FAM163A: variants seen among roughly 807,000 people sequenced by gnomAD.
FAM163A encodes family with sequence similarity 163 member A, also known as protein FAM163A.
Under a neutral mutation model 12.0 loss-of-function variants are expected in FAM163A, and 7 were observed. The ratio of observed to expected loss-of-function variants is 0.58; its 90% CI spans 0.33 to 1.10. The LOEUF (loss-of-function observed/expected upper bound fraction) is 1.10. Ranked by LOEUF, FAM163A falls within the 50% of genes least tolerant of loss-of-function variation. FAM163A has a pLI of 0.03. For synonymous variants in FAM163A, 101 were observed against 91.0 expected (o/e 1.11, Z -0.62); for missense variants, 202 against 218.6 (o/e 0.92, Z 0.48).
chr1:179,794,128 T>C (rs571269906), intron 1 of FAM163A, among the ~76,000 whole-genome samples: 95 of 152,338 alleles, frequency 6.2e-4, no homozygotes, highest in African/African-American at 1.9e-3. Context: ...CTTGGCCACC[T>C]TGTGCCTCTG....
At chr1:179,773,569 A>G (rs920754496) in intron 1 of FAM163A, among the ~76,000 whole-genome samples, 2 of 152,232 alleles carry the variant, frequency 1.3e-5, no homozygotes, top group African/African-American at 4.8e-5. Context: ...AGAAGCAAAA[A>G]TAATGAAGGG....
intron 1 of FAM163A, among the ~76,000 whole-genome samples, chr1:179,790,779 A>ACT (rs34645659): frequency 0.36 from 54,415 of 151,926 alleles, 11,502 homozygotes; most frequent in Non-Finnish European, 0.48. Context: ...TCCAGCTCAG[A>ACT]CTGGACAGAC....
At chr1:179,780,566 C>T (rs573704802) in intron 1 of FAM163A, among the ~76,000 whole-genome samples, 24 of 152,316 alleles carry the variant, frequency 1.6e-4, no homozygotes, top group Non-Finnish European at 3.1e-4. Flanking sequence ...TCAGCATCAC[C>T]TGGGAACTTG....
chr1:179,777,994 T>C (rs1445706762), intron 1 of FAM163A, among the ~76,000 whole-genome samples: 1 of 152,232 alleles, frequency 6.6e-6, no homozygotes, highest in Non-Finnish European at 1.5e-5. Context: ...CAGATGCTCC[T>C]GGACTATGAT....
the FAM163A span, among the ~76,000 whole-genome samples, chr1:179,737,839 A>C: frequency 6.6e-6 from 1 of 152,178 alleles, no homozygotes; most frequent in African/African-American, 2.4e-5. Context: ...TGTCTCAAAA[A>C]AAAAAAAAAT....
At chr1:179,756,806 G>A (rs1686086916) in intron 1 of FAM163A, among the ~76,000 whole-genome samples, 1 of 152,172 alleles carries the variant, frequency 6.6e-6, no homozygotes. Context: ...GAGAAGTAGT[G>A]TCATGAATGG....
At chr1:179,782,263 G>A (rs978728936) in intron 1 of FAM163A, among the ~76,000 whole-genome samples, 1 of 152,064 alleles carries the variant, frequency 6.6e-6, no homozygotes, top group African/African-American at 2.4e-5. Context: ...TCTGGCAGGG[G>A]CAGCAGTGGG....
At chr1:179,787,590 G>A (rs147209492) in intron 1 of FAM163A, among the ~76,000 whole-genome samples, 5 of 152,298 alleles carry the variant, frequency 3.3e-5, no homozygotes, top group East Asian at 1.9e-4. Flanking sequence ...GGAGCCTTGC[G>A]TGAGGAGTAG....
intron 1 of FAM163A, among the ~76,000 whole-genome samples, chr1:179,768,347 A>G (rs1409457701): frequency 1.3e-5 from 2 of 152,204 alleles, no homozygotes; most frequent in African/African-American, 4.8e-5. Context: ...CACACAGCCA[A>G]TAAGTGTGGC....
In FAM163A at chr1:179,796,774, GA is replaced by G. The variant is rs557396438; in HGVS notation, c.-135-11022del. On this transcript the variant is annotated intron_variant, in intron 1 of 4. Coordinates refer to ENST00000341785, the MANE Select transcript of FAM163A (RefSeq NM_173509.3). The stretch of plus-strand genomic sequence containing the variant: ...GGACACCGTTTAGCAGAAAGCAGAA[GA>G]AGGGAAAGGCTGTAGACACTGTATC... Among the ~76,000 whole-genome samples, 359 of 152,354 alleles carry G rather than the reference GA, an allele frequency of 2.4e-3. 2 individuals are homozygous for G. The highest frequency in any genetic ancestry group is 8.3e-3 in the African/African-American group (346 of 41,580).
chr1:179,735,295 T>C, the FAM163A span, among the ~76,000 whole-genome samples: 1 of 152,108 alleles, frequency 6.6e-6, no homozygotes, highest in African/African-American at 2.4e-5. Flanking sequence ...ATCAAAGAGC[T>C]AATACGTTAA....
chr1:179,763,137 A>G (rs1454047246), intron 1 of FAM163A, among the ~76,000 whole-genome samples: 1 of 152,222 alleles, frequency 6.6e-6, no homozygotes, highest in Non-Finnish European at 1.5e-5. Flanking sequence ...ATGACCAGGC[A>G]AATTATCAGA....
chr1:179,757,911 T>C lies in FAM163A; in HGVS notation c.-136+14488T>C, dbSNP rs1449278128. Among the ~76,000 whole-genome samples, 3 of 152,204 alleles carry C rather than the reference T, an allele frequency of 2.0e-5. No homozygotes were observed. The East Asian group carries it at 5.8e-4, about 29-fold the overall frequency. On this transcript the variant is annotated intron_variant, in intron 1 of 4. Transcript: ENST00000341785. ...GAATAGTCCCAAAGGGAAATGGAAG[T>C]ATTCTGAACTAAAGGATTCAAGTGT...
chr1:179,744,808 G>A (rs1008369515), intron 1 of FAM163A, among the ~76,000 whole-genome samples: 2 of 152,206 alleles, frequency 1.3e-5, no homozygotes, highest in Admixed American at 6.5e-5. Flanking sequence ...CGACGTCTGC[G>A]CAGTTGCGTC....
chr1:179,796,058 C>T (rs1254936747), intron 1 of FAM163A, among the ~76,000 whole-genome samples: 1 of 151,122 alleles, frequency 6.6e-6, no homozygotes, highest in East Asian at 1.9e-4. Flanking sequence ...TTGCCCTTGA[C>T]TTTTCTGCAG....
chr1:179,791,251 C>T (rs892575811), intron 1 of FAM163A, among the ~76,000 whole-genome samples: 2 of 152,314 alleles, frequency 1.3e-5, no homozygotes, highest in Admixed American at 6.5e-5. Context: ...GACCCAGGCA[C>T]GAGAGGCCCC....
intron 1 of FAM163A, among the ~76,000 whole-genome samples, chr1:179,769,693 G>A (rs1687997278): frequency 3.3e-5 from 5 of 152,142 alleles, no homozygotes; most frequent in Admixed American, 3.3e-4. Context: ...GGTGGCAGTG[G>A]CATGAGGAGC....
chr1:179,773,523 A>G (rs529339758), intron 1 of FAM163A, among the ~76,000 whole-genome samples: 1 of 152,352 alleles, frequency 6.6e-6, no homozygotes, highest in East Asian at 1.9e-4. Context: ...TTACAACTGC[A>G]TGTAAATCTA....
At chr1:179,812,682 G>A (rs1299438529) in intron 3 of FAM163A, among the ~76,000 whole-genome samples, 1 of 152,174 alleles carries the variant, frequency 6.6e-6, no homozygotes, top group African/African-American at 2.4e-5. Flanking sequence ...AAGGGTTATC[G>A]CGAGGATGTA....
Sources: gnomAD v4.1 joint callset for allele counts (sites outside exome capture counted in the v4.1 genomes callset) on GRCh38, gnomAD v4.1.1 for gene constraint, MANE v1.5 for transcripts, NCBI Gene and HGNC (gene_info 2026-07-23, HGNC 2026-07-21) for gene names.